Variants in DMXL2 observed in about 807,000 individuals in gnomAD.
DMXL2 encodes Dmx like 2, also known as dmX-like protein 2.
A neutral mutation model predicts 331.1 loss-of-function variants in DMXL2; 103 were observed. The observed-to-expected ratio is 0.31, with a 90% CI of 0.27 to 0.37. The LOEUF (loss-of-function observed/expected upper bound fraction) is 0.37. DMXL2 is among the 10% of genes least tolerant of loss of function. The pLI is 1.00. For synonymous variants in DMXL2, 1,281 were observed against 1,252.1 expected, an observed-to-expected ratio of 1.02 and a Z score of -0.49; for missense variants, 3,171 against 3,642.9, an observed-to-expected ratio of 0.87 and a Z score of 3.33.
intron 2 of DMXL2, 46 bp from the exon 3 acceptor site, chr15:51,568,604 TAA>T: frequency 1.7e-6 from 2 of 1,206,172 alleles, no homozygotes; most frequent in East Asian, 5.0e-5. Context: ...AAGGGTAAAA[TAA>T]AGATATCTTC....
At position 51,605,693 on chromosome 15, in the gene DMXL2, G is replaced by A. The variant is rs1188189891; in HGVS notation, c.87+16766C>T. On this transcript the variant is annotated intron_variant, in intron 1 of 43. Coordinates refer to ENST00000560891, the MANE Select transcript of DMXL2 (RefSeq NM_001378457.1). ...CCAGTAGCTGGGACTACAGGCGCCC[G>A]CCACCGCGCCCGGCTAATATTTTGT... Among the ~76,000 whole-genome samples, 17 of 100,776 alleles carry A rather than the reference G, an allele frequency of 1.7e-4. 5 individuals carry two copies. The highest frequency in any genetic ancestry group is 3.8e-4 in the Non-Finnish European group (17 of 44,566). 66.1% of individuals were successfully genotyped at this position (100,776 alleles called of 152,430 possible). A position where few individuals can be genotyped will look rare whatever the true frequency, so the allele number is the denominator to read the frequency against.
chr15:51,606,500 T>C (rs1185716436), intron 1 of DMXL2, among the ~76,000 whole-genome samples: 2 of 152,282 alleles, frequency 1.3e-5, no homozygotes, highest in African/African-American at 4.8e-5. Flanking sequence ...CGGCCACTTG[T>C]AGAGATTCGC....
intron 6 of DMXL2, among the ~76,000 whole-genome samples, chr15:51,556,253 G>T (rs762555864): frequency 2.7e-5 from 4 of 149,446 alleles, no homozygotes; most frequent in African/African-American, 7.4e-5. Flanking sequence ...TGAGGCAGGA[G>T]AATGGCGTGA....
intron 42 of DMXL2, 71 bp downstream of exon 42, chr15:51,451,574 C>G (rs1339199124): frequency 1.6e-6 from 2 of 1,233,266 alleles, no homozygotes; most frequent in Non-Finnish European, 1.2e-6. Context: ...TAATTAAAAC[C>G]AAGAAAGCAT....
chr15:51,608,341 G>A (rs1480593689), intron 1 of DMXL2, among the ~76,000 whole-genome samples: 1 of 152,094 alleles, frequency 6.6e-6, no homozygotes, highest in Admixed American at 6.5e-5. Flanking sequence ...CAAAGACAGG[G>A]AATCAACCTA....
chr15:51,490,550 C>T (rs1207911521), intron 20 of DMXL2, among the ~76,000 whole-genome samples: 1 of 152,172 alleles, frequency 6.6e-6, no homozygotes, highest in African/African-American at 2.4e-5. Flanking sequence ...AGAAAAGGCA[C>T]AGGCTAAATC....
intron 9 of DMXL2, among the ~76,000 whole-genome samples, chr15:51,541,274 T>C (rs1456431060): frequency 6.6e-6 from 1 of 152,116 alleles, no homozygotes; most frequent in Non-Finnish European, 1.5e-5. Context: ...GATATTTCAA[T>C]AGCCACGTTA....
intron 7 of DMXL2, 108 bp downstream of exon 7, chr15:51,547,122 A>T: frequency 1.4e-6 from 1 of 729,576 alleles, no homozygotes; most frequent in Non-Finnish European, 2.0e-6. Flanking sequence ...GCTTGATGCC[A>T]GAGCCTATGC....
At position 51,514,519 on chromosome 15, in the gene DMXL2, T is replaced by C; in HGVS notation, c.2567A>G (p.Asp856Gly). The C allele has an allele frequency of 6.3e-7, 1 of 1,596,096 alleles. No individual in the cohort carries two copies. The highest frequency in any genetic ancestry group is 8.5e-7 in the Non-Finnish European group (1 of 1,172,154). ...ATGTGGTTTATATCCTATAATGAAG[T>C]CTTCTTGAAACACATGAAGCAACTG... The part of the protein sequence containing the change: ...NTQLLHVFQE[D>G]FIIGYKPHKE... The change falls in exon 15 of 44, where the codon GAC (aspartate) becomes GGC (glycine). Residue 856 changes from aspartate to glycine, a missense_variant. Coordinates refer to ENST00000560891, the MANE Select transcript of DMXL2 (RefSeq NM_001378457.1).
intron 39 of DMXL2, among the ~76,000 whole-genome samples, chr15:51,455,448 G>C (rs1187973760): frequency 6.6e-6 from 1 of 152,072 alleles, no homozygotes; most frequent in East Asian, 1.9e-4. Flanking sequence ...ACCCAGGCTG[G>C]AGTGCAGTAG....
intron 13 of DMXL2, among the ~76,000 whole-genome samples, chr15:51,521,080 T>C (rs2047334319): frequency 6.6e-6 from 1 of 152,010 alleles, no homozygotes; most frequent in Non-Finnish European, 1.5e-5. Context: ...TCAATTTATA[T>C]AATATTTAAT....
chr15:51,569,879 C>A (rs1016322182), intron 2 of DMXL2, among the ~76,000 whole-genome samples: 2 of 152,164 alleles, frequency 1.3e-5, no homozygotes, highest in Non-Finnish European at 2.9e-5. Context: ...CAGAACACCT[C>A]TTCTCCTCCA....
At chr15:51,598,461 A>G (rs537811742) in intron 1 of DMXL2, among the ~76,000 whole-genome samples, 3 of 152,330 alleles carry the variant, frequency 2.0e-5, no homozygotes, top group African/African-American at 7.2e-5. Flanking sequence ...ACTATTATCT[A>G]TAGAGCTTAG....
At chr15:51,501,379 T>G (rs537916434) in intron 17 of DMXL2, among the ~76,000 whole-genome samples, 41 of 152,336 alleles carry the variant, frequency 2.7e-4, no homozygotes, top group Admixed American at 1.9e-3. Context: ...CCTCAAAATA[T>G]CTACCTTGCT....
chr15:51,474,541 G>A lies in DMXL2; in HGVS notation c.7016C>T (p.Pro2339Leu), dbSNP rs1460470301. 1 of 1,613,944 alleles carries A rather than the reference G, an allele frequency of 6.2e-7. No individual in the cohort carries two copies. Among genetic ancestry groups the A allele is most frequent in the African/African-American group, 1.3e-5 (1 of 74,914 alleles). Reference protein sequence around the residue: ...LLSSAQDEDQPKLNILLCEAV... With the variant: ...LLSSAQDEDQLKLNILLCEAV... ...TTCACATAGCAAAATGTTCAGTTTT[G>A]GCTGGTCTTCATCTTGGGCTGAACT... The change falls in exon 28 of 44, where the codon CCA becomes CTA. Residue 2339 changes from proline to leucine, a missense_variant. Transcript: ENST00000560891.
intron 1 of DMXL2, among the ~76,000 whole-genome samples, chr15:51,586,532 T>C (rs1366055230): frequency 1.3e-5 from 2 of 152,052 alleles, no homozygotes; most frequent in Non-Finnish European, 2.9e-5. Context: ...GAACTTTCTT[T>C]ATAAAAGTAA....
intron 42 of DMXL2, 97 bp from the exon 43 acceptor site, chr15:51,450,443 C>G: frequency 9.0e-7 from 1 of 1,107,058 alleles, no homozygotes; most frequent in Non-Finnish European, 1.3e-6. Flanking sequence ...CTTACTGATG[C>G]ATTTTTCATT....
chr15:51,582,345 C>T (rs12443362), intron 1 of DMXL2, among the ~76,000 whole-genome samples: 2 of 152,024 alleles, frequency 1.3e-5, no homozygotes, highest in African/African-American at 4.8e-5. Flanking sequence ...ATTTTTCTAT[C>T]GTTTCGTTTT....
intron 13 of DMXL2, among the ~76,000 whole-genome samples, chr15:51,527,134 A>C (rs2047719327): frequency 1.3e-5 from 2 of 152,180 alleles, no homozygotes; most frequent in African/African-American, 4.8e-5. Context: ...AAAGGATCCC[A>C]ACAGCATCAA....
Sources: allele counts gnomAD v4.1 joint callset (sites outside exome capture counted in the v4.1 genomes callset), GRCh38; gene constraint gnomAD v4.1.1; transcripts MANE v1.5; gene names NCBI Gene and HGNC (gene_info 2026-07-23, HGNC 2026-07-21).